WDR7: variants seen among roughly 807,000 people sequenced by gnomAD.
The protein encoded by WDR7 is WD repeat-containing protein 7.
A neutral mutation model predicts 169.4 loss-of-function variants in WDR7; 46 were observed. The ratio of observed to expected loss-of-function variants is 0.27; its 90% CI spans 0.21 to 0.35. The LOEUF (loss-of-function observed/expected upper bound fraction) is 0.35. Ranked by LOEUF, WDR7 falls within the 10% of genes least tolerant of loss-of-function variation. WDR7 has a pLI of 1.00. For synonymous variants in WDR7, 612 were observed against 666.8 expected (o/e 0.92, Z 1.27); for missense variants, 1,534 against 1,859.3 (o/e 0.83, Z 3.22).
At chr18:56,822,108 G>A (rs1333906526) in intron 20 of WDR7, among the ~76,000 whole-genome samples, 1 of 152,092 alleles carries the variant, frequency 6.6e-6, no homozygotes, top group African/African-American at 2.4e-5. Flanking sequence ...TATTTAAAAT[G>A]CAAATTTGTT....
At chr18:56,916,762 G>A (rs1406657251) in intron 21 of WDR7, among the ~76,000 whole-genome samples, 1 of 152,188 alleles carries the variant, frequency 6.6e-6, no homozygotes, top group East Asian at 1.9e-4. Context: ...GTGTATGTGT[G>A]TATGTGTTTT....
At chr18:56,829,120 C>CAAAAAA (rs34184203) in intron 20 of WDR7, among the ~76,000 whole-genome samples, 1 of 109,304 alleles carries the variant, frequency 9.1e-6, no homozygotes, top group African/African-American at 3.4e-5. Flanking sequence ...TTCACCTCTC[C>CAAAAAA]AAAAAAAAAA....
chr18:57,027,519 A>C lies in WDR7; in HGVS notation c.*312A>C. 2.5e-6 allele frequency: 1 copy of C among 403,934 alleles called. No individual in the cohort carries two copies. 25.0% of individuals were successfully genotyped at this position (403,934 alleles called of 1,614,324 possible). A position where few individuals can be genotyped will look rare whatever the true frequency, so the allele number is the denominator to read the frequency against. ...ACGCTCTTGTTGCTTGGTGCAACAG[A>C]AGCACAAAAATCAATAAACACTGTG... On this transcript the variant is annotated 3_prime_UTR_variant, in exon 28 of 28. Transcript: ENST00000254442.
intron 20 of WDR7, among the ~76,000 whole-genome samples, chr18:56,859,785 G>T (rs2045776478): frequency 6.6e-6 from 1 of 152,154 alleles, no homozygotes; most frequent in African/African-American, 2.4e-5. Context: ...TCTTAGTAAT[G>T]ATGAGGAAGA....
chr18:56,995,922 A>G (rs2047893509), intron 26 of WDR7, among the ~76,000 whole-genome samples: 1 of 152,168 alleles, frequency 6.6e-6, no homozygotes, highest in South Asian at 2.1e-4. Flanking sequence ...TGCTATACAT[A>G]TAGAAGCTGG....
intron 26 of WDR7, among the ~76,000 whole-genome samples, chr18:57,013,838 A>T (rs886673954): frequency 3.3e-5 from 5 of 152,204 alleles, no homozygotes; most frequent in Admixed American, 1.3e-4. Context: ...AGCACTGCAG[A>T]TGCAGCCATC....
At chr18:56,872,806 AAAAAATACC>A (rs2045971222) in intron 20 of WDR7, 1 of 152,166 alleles carries the variant, frequency 6.6e-6, no homozygotes, top group Non-Finnish European at 1.5e-5. Context: ...GTCTCTGGAA[AAAAAATACC>A]AAATTTTCAT....
At chr18:56,944,027 T>A (rs1013531922) in intron 25 of WDR7, among the ~76,000 whole-genome samples, 2 of 131,168 alleles carry the variant, frequency 1.5e-5, no homozygotes, top group African/African-American at 6.0e-5. Flanking sequence ...TCTCACTCCC[T>A]TGCCAGGCTG....
intron 25 of WDR7, among the ~76,000 whole-genome samples, chr18:56,952,535 C>T (rs1445425924): frequency 2.0e-5 from 3 of 152,136 alleles, no homozygotes; most frequent in Non-Finnish European, 2.9e-5. Context: ...TACTCTCAAA[C>T]GTAATCCTAC....
At chr18:57,010,736 CAGA>C (rs2048124275) in intron 26 of WDR7, among the ~76,000 whole-genome samples, 1 of 152,008 alleles carries the variant, frequency 6.6e-6, no homozygotes, top group Non-Finnish European at 1.5e-5. Flanking sequence ...CCTAATAAAT[CAGA>C]AGAACAGGGA....
At chr18:56,973,900 T>G (rs979172056) in intron 26 of WDR7, among the ~76,000 whole-genome samples, 1 of 152,200 alleles carries the variant, frequency 6.6e-6, no homozygotes, top group African/African-American at 2.4e-5. Context: ...TCATCAAAAA[T>G]GTTGCTCAAG....
intron 1 of WDR7, among the ~76,000 whole-genome samples, chr18:56,664,185 G>A (rs1337320464): frequency 2.6e-5 from 4 of 152,240 alleles, no homozygotes; most frequent in African/African-American, 9.6e-5. Context: ...GCTCTGCCCT[G>A]GAGTGTCATT....
At chr18:56,900,078 GTGTGTA>G (rs142344516) in intron 21 of WDR7, among the ~76,000 whole-genome samples, 23,936 of 124,454 alleles carry the variant, frequency 0.19, 2,131 homozygotes, top group Admixed American at 0.25. Flanking sequence ...GTGTGTGTGT[GTGTGTA>G]TATATATATA....
chr18:56,699,923 A>G, intron 12 of WDR7: 1 of 965,578 alleles, frequency 1.0e-6, no homozygotes, highest in Non-Finnish European at 1.2e-6. Flanking sequence ...GTAGGTATTT[A>G]TCATCCTTTC....
At chr18:56,794,302 C>CTTTTTTTTTTTT (rs1217568621) in intron 19 of WDR7, among the ~76,000 whole-genome samples, 34 of 29,448 alleles carry the variant, frequency 1.2e-3, no homozygotes, top group Non-Finnish European at 1.5e-3. Context: ...AAGGTAAAGT[C>CTTTTTTTTTTTT]TATTTTTTTT....
chr18:56,909,001 T>C (rs978406116), intron 21 of WDR7, among the ~76,000 whole-genome samples: 1 of 152,198 alleles, frequency 6.6e-6, no homozygotes, highest in African/African-American at 2.4e-5. Context: ...TCTGTACATA[T>C]GTACAGGAGT....
intron 5 of WDR7, among the ~76,000 whole-genome samples, chr18:56,684,317 CA>C (rs1314106532): frequency 2.6e-5 from 4 of 152,074 alleles, no homozygotes; most frequent in Admixed American, 6.5e-5. Flanking sequence ...CTTTGTGGAT[CA>C]GGGGTTGTCA....
At chr18:56,652,210 T>G (rs1198135945) in intron 1 of WDR7, among the ~76,000 whole-genome samples, 1 of 152,220 alleles carries the variant, frequency 6.6e-6, no homozygotes, top group Non-Finnish European at 1.5e-5. Flanking sequence ...ATGTCACTTT[T>G]TGAGGCAGAA....
chr18:56,961,862 T>C (rs150761146), intron 25 of WDR7, among the ~76,000 whole-genome samples: 1 of 152,252 alleles, frequency 6.6e-6, no homozygotes, highest in East Asian at 1.9e-4. Context: ...AGGATAACTT[T>C]TTCTGGTGGA....
Sources: gnomAD v4.1 joint callset for allele counts (sites outside exome capture counted in the v4.1 genomes callset) on GRCh38, gnomAD v4.1.1 for gene constraint, MANE v1.5 for transcripts, NCBI Gene and HGNC (gene_info 2026-07-23, HGNC 2026-07-21) for gene names.